ESR2: variants seen among roughly 807,000 people sequenced by gnomAD.
The protein encoded by ESR2 is estrogen receptor beta.
A neutral mutation model predicts 49.6 loss-of-function variants in ESR2; 36 were observed. The ratio of observed to expected loss-of-function variants is 0.73; its 90% CI spans 0.56 to 0.96. The LOEUF (loss-of-function observed/expected upper bound fraction) is 0.96, where lower values mean the gene tolerates loss of function less well. Ranked by LOEUF, ESR2 falls within the 40% of genes least tolerant of loss-of-function variation. The probability of loss-of-function intolerance (pLI) is 0.00; values close to 1 mark genes in which losing one functional copy is unlikely to be tolerated. For synonymous variants in ESR2, 320 were observed against 266.1 expected, an observed-to-expected ratio of 1.20 and a Z score of -1.97; for missense variants, 714 against 693.0, an observed-to-expected ratio of 1.03 and a Z score of -0.34.
At chr14:64,303,216 A>T (rs543020516) in intron 1 of ESR2, among the ~76,000 whole-genome samples, 1 of 152,298 alleles carries the variant, frequency 6.6e-6, no homozygotes, top group East Asian at 1.9e-4. Context: ...GCCAGAAGGG[A>T]GCTCACAGGT....
chr14:64,322,593 C>A (rs898255339), intron 1 of ESR2, among the ~76,000 whole-genome samples: 1 of 150,918 alleles, frequency 6.6e-6, no homozygotes, highest in African/African-American at 2.4e-5. Context: ...TAATGAGGTA[C>A]CTTGTTTTTT....
Position 64,228,982 on chromosome 14 carries a change from G to A in ESR2, c.*4155C>T, listed in dbSNP as rs924218069. 6.6e-5 allele frequency among the ~76,000 whole-genome samples: 10 copies of A among 152,198 alleles called. No individual in the cohort carries two copies. The highest frequency in any genetic ancestry group is 6.5e-4 in the Admixed American group (10 of 15,282). On this transcript the variant is annotated 3_prime_UTR_variant, in exon 9 of 9. Coordinates refer to ENST00000341099, the MANE Select transcript of ESR2 (RefSeq NM_001437.3). Reference sequence around the variant, plus strand: ...GTAGTATATCACACTCCACAGGGAAGCAGCAGTGCCTAAAAGATGTGAATT... The same window carrying A: ...GTAGTATATCACACTCCACAGGGAAACAGCAGTGCCTAAAAGATGTGAATT...
Position 64,315,993 on chromosome 14 carries a change from T to C in ESR2, c.-91+21905A>G, listed in dbSNP as rs1258842919. On this transcript the variant is annotated intron_variant, in intron 1 of 8. Coordinates refer to the ESR2 transcript ENST00000358599. ...TAATTGCCCTTAACTATTAAAGAGA[T>C]TGAATTTATAATTTATTTTTACTTT... is the stretch of plus-strand genomic sequence containing the variant. 2.6e-5 allele frequency among the ~76,000 whole-genome samples: 4 copies of C among 151,712 alleles called. No homozygotes were observed. In the South Asian group the frequency reaches 8.3e-4, roughly 32 times the overall value.
intron 7 of ESR2, among the ~76,000 whole-genome samples, chr14:64,241,193 T>C (rs2075722356): frequency 2.0e-5 from 3 of 150,256 alleles, no homozygotes; most frequent in South Asian, 2.1e-4. Context: ...TAAGCTATGA[T>C]GTTCAGTAGG....
At chr14:64,281,351 G>A (rs1030753518) in intron 2 of ESR2, among the ~76,000 whole-genome samples, 3 of 151,870 alleles carry the variant, frequency 2.0e-5, no homozygotes, top group Admixed American at 2.0e-4. Flanking sequence ...ATAAATGAAG[G>A]TAATTATATA....
intron 7 of ESR2, among the ~76,000 whole-genome samples, chr14:64,241,681 T>C (rs1033537991): frequency 1.3e-5 from 2 of 152,268 alleles, no homozygotes; most frequent in African/African-American, 4.8e-5. Flanking sequence ...TTTGATGCTA[T>C]TGTAAATGGT....
chr14:64,309,731 A>G (rs1176095905), intron 1 of ESR2, among the ~76,000 whole-genome samples: 1 of 152,094 alleles, frequency 6.6e-6, no homozygotes, highest in Non-Finnish European at 1.5e-5. Context: ...GCACTTTGAG[A>G]GGCCGAGGTG....
chr14:64,279,929 GT>G, intron 3 of ESR2, 51 bp downstream of exon 3: 1 of 1,500,888 alleles, frequency 6.7e-7, no homozygotes, highest in South Asian at 1.1e-5. Flanking sequence ...CTGCAAAATT[GT>G]TTGAAATCAA....
At chr14:64,303,541 CA>C (rs2077053867) in intron 1 of ESR2, 1 of 152,212 alleles carries the variant, frequency 6.6e-6, no homozygotes, top group Admixed American at 6.5e-5. Context: ...CTTCAACCTC[CA>C]GTCCTGGATA....
chr14:64,300,151 C>G (rs1363285109), intron 1 of ESR2, among the ~76,000 whole-genome samples: 1 of 152,176 alleles, frequency 6.6e-6, no homozygotes, highest in Admixed American at 6.5e-5. Flanking sequence ...CACACCAACC[C>G]TACAATGTTG....
intron 3 of ESR2, among the ~76,000 whole-genome samples, chr14:64,272,784 TA>T (rs1185285370): frequency 6.6e-6 from 1 of 152,202 alleles, no homozygotes; most frequent in East Asian, 1.9e-4. Flanking sequence ...TGGTATAATT[TA>T]TAGTCAGGTA....
intron 1 of ESR2, among the ~76,000 whole-genome samples, chr14:64,299,450 G>C (rs2076997866): frequency 7.1e-6 from 1 of 140,144 alleles, no homozygotes; most frequent in Non-Finnish European, 1.5e-5. Context: ...GCCCAGGCTA[G>C]AGTGCAGTGG....
intron 1 of ESR2, among the ~76,000 whole-genome samples, chr14:64,308,277 G>T (rs1187619554): frequency 6.6e-6 from 1 of 152,122 alleles, no homozygotes; most frequent in African/African-American, 2.4e-5. Context: ...GCCTCCCAAA[G>T]TGCTAGGATT....
At chr14:64,289,612 C>A (rs984130868) in intron 1 of ESR2, among the ~76,000 whole-genome samples, 10 of 152,074 alleles carry the variant, frequency 6.6e-5, no homozygotes, top group African/African-American at 2.4e-4. Flanking sequence ...TGGTATATCA[C>A]TGGATACACA....
At chr14:64,310,286 A>AAAAAAAAAATAAAAAAAAATAATAAT (rs1555595498) in intron 1 of ESR2, among the ~76,000 whole-genome samples, 12 of 142,460 alleles carry the variant, frequency 8.4e-5, no homozygotes, top group African/African-American at 2.9e-4. Flanking sequence ...TCGTCTCAAA[A>AAAAAAAAAATAAAAAAAAATAATAAT]AATAATAATA....
intron 3 of ESR2, among the ~76,000 whole-genome samples, chr14:64,275,811 T>C (rs1488381685): frequency 6.6e-6 from 1 of 152,248 alleles, no homozygotes; most frequent in Non-Finnish European, 1.5e-5. Flanking sequence ...GTTATATTAT[T>C]CTGTGGTTTT....
chr14:64,328,163 A>G (rs574730379), intron 1 of ESR2, among the ~76,000 whole-genome samples: 1 of 152,220 alleles, frequency 6.6e-6, no homozygotes, highest in Non-Finnish European at 1.5e-5. Flanking sequence ...TGGAGGTTGC[A>G]GTGAGCCGAG....
At chr14:64,281,072 G>A (rs561617311) in intron 2 of ESR2, among the ~76,000 whole-genome samples, 1 of 152,216 alleles carries the variant, frequency 6.6e-6, no homozygotes, top group East Asian at 1.9e-4. Context: ...ACCTTGAGAT[G>A]AATGTGAGAC....
chr14:64,248,505 C>CAAAAAAAA (rs56108535), intron 7 of ESR2, among the ~76,000 whole-genome samples: 4 of 87,254 alleles, frequency 4.6e-5, no homozygotes, highest in Admixed American at 1.4e-4. Flanking sequence ...GATCCTGTCT[C>CAAAAAAAA]AAAAAAAAAA....
Sources: gnomAD v4.1 joint callset for allele counts (sites outside exome capture counted in the v4.1 genomes callset) on GRCh38, gnomAD v4.1.1 for gene constraint, MANE v1.5 for transcripts, NCBI Gene and HGNC (gene_info 2026-07-23, HGNC 2026-07-21) for gene names.